FSIP1: variants seen among roughly 807,000 people sequenced by gnomAD.
The protein encoded by FSIP1 is fibrous sheath-interacting protein 1.
Under a neutral mutation model 60.9 loss-of-function variants are expected in FSIP1, and 65 were observed. That is an observed-to-expected ratio of 1.07 (90% CI 0.87 to 1.31). FSIP1 has a LOEUF of 1.31. FSIP1 is among the 40% of genes most tolerant of loss of function. The pLI is 0.00. For missense variants in FSIP1, 675 were observed against 665.5 expected (o/e 1.01, Z -0.16); for synonymous variants, 209 against 221.2 (o/e 0.94, Z 0.49).
chr15:39,726,714 C>G lies in FSIP1; in HGVS notation c.925G>C (p.Gly309Arg). 1.9e-6 allele frequency: 3 copies of G among 1,614,010 alleles called. No homozygotes were observed. Among genetic ancestry groups the G allele is most frequent in the South Asian group, 1.1e-5 (1 of 91,064 alleles). Residue 309 changes from glycine to arginine, a missense_variant, in exon 9 of 12, where the codon GGA becomes CGA. Physicochemically the swap from Gly to Arg is moderately radical, Grantham distance 125. Transcript: ENST00000350221. ...TGCTGGGTGACTGCAAGTTCATATC[C>G]TTTTACTGGGACCACCCAGCCAGAC... ...DQSGWVVPVK[G>R]YELAVTQHQQ...
chr15:39,696,754 A>G (rs948540190), intron 10 of FSIP1, among the ~76,000 whole-genome samples: 1 of 152,176 alleles, frequency 6.6e-6, no homozygotes, highest in Admixed American at 6.5e-5. Context: ...AAAGCAGGCT[A>G]TAAAATGTAT....
chr15:39,642,661 GA>G (rs1160870536), intron 10 of FSIP1, among the ~76,000 whole-genome samples: 1 of 152,146 alleles, frequency 6.6e-6, no homozygotes, highest in Non-Finnish European at 1.5e-5. Context: ...GTAAAAGTAC[GA>G]AAACCTGAAA....
chr15:39,619,399 TG>T (rs1315787182), intron 10 of FSIP1, among the ~76,000 whole-genome samples: 1 of 152,180 alleles, frequency 6.6e-6, no homozygotes, highest in Non-Finnish European at 1.5e-5. Flanking sequence ...AGAAATTGTC[TG>T]GAAATATATT....
At chr15:39,691,606 A>T (rs1894602913) in intron 10 of FSIP1, among the ~76,000 whole-genome samples, 1 of 152,208 alleles carries the variant, frequency 6.6e-6, no homozygotes, top group Admixed American at 6.5e-5. Context: ...TCCTTTCCAA[A>T]GAGTCTCATC....
intron 10 of FSIP1, among the ~76,000 whole-genome samples, chr15:39,697,419 C>T (rs1894865154): frequency 1.3e-5 from 2 of 152,280 alleles, no homozygotes; most frequent in East Asian, 1.9e-4. Flanking sequence ...GAGTTAAATA[C>T]CCTTCCAGAA....
rs114020568 is a variant in FSIP1, at chr15:39,725,261, C to T, written c.1050+1328G>A. Among the ~76,000 whole-genome samples, 824 of 152,248 alleles carry T rather than the reference C, an allele frequency of 5.4e-3. 13 individuals carry two copies. The highest frequency in any genetic ancestry group is 0.019 in the African/African-American group (795 of 41,562). Reference sequence around the variant, plus strand: ...AAATAAAATACAAAGTCCTGGGACACATTTGAGTGAAGACAAAGATTCCAA... The same window carrying T: ...AAATAAAATACAAAGTCCTGGGACATATTTGAGTGAAGACAAAGATTCCAA... On this transcript the variant is annotated intron_variant, in intron 9 of 11. Coordinates refer to ENST00000350221, the MANE Select transcript of FSIP1 (RefSeq NM_152597.5).
intron 11 of FSIP1, among the ~76,000 whole-genome samples, chr15:39,607,775 C>G (rs1257806990): frequency 5.3e-5 from 8 of 152,192 alleles, no homozygotes; most frequent in Non-Finnish European, 1.0e-4. Context: ...AACTACGTAT[C>G]AGTAATACTT....
intron 5 of FSIP1, among the ~76,000 whole-genome samples, chr15:39,762,656 G>A (rs966588447): frequency 2.0e-5 from 3 of 152,126 alleles, no homozygotes; most frequent in African/African-American, 7.2e-5. Context: ...TTACATAATG[G>A]CTGGCTTTCC....
intron 11 of FSIP1, among the ~76,000 whole-genome samples, chr15:39,601,897 A>AG (rs1890653929): frequency 6.6e-6 from 1 of 151,968 alleles, no homozygotes; most frequent in African/African-American, 2.4e-5. Flanking sequence ...GTTGGGGAAA[A>AG]TGGGAAGTGA....
intron 10 of FSIP1, among the ~76,000 whole-genome samples, chr15:39,634,245 G>A (rs1382595742): frequency 6.6e-6 from 1 of 152,090 alleles, no homozygotes; most frequent in Non-Finnish European, 1.5e-5. Flanking sequence ...TTTTGATCCC[G>A]TTCCTCTCTC....
intron 5 of FSIP1, among the ~76,000 whole-genome samples, chr15:39,762,970 T>C (rs1897555211): frequency 6.6e-6 from 1 of 152,210 alleles, no homozygotes; most frequent in South Asian, 2.1e-4. Context: ...CATATACATA[T>C]ATAATTTGAT....
intron 10 of FSIP1, among the ~76,000 whole-genome samples, chr15:39,629,284 C>T (rs191131334): frequency 9.8e-5 from 15 of 152,310 alleles, no homozygotes; most frequent in Admixed American, 7.8e-4. Flanking sequence ...GATTCTCTAT[C>T]ATCTATCATC....
At chr15:39,766,164 C>T (rs1302317946) in intron 3 of FSIP1, among the ~76,000 whole-genome samples, 1 of 152,114 alleles carries the variant, frequency 6.6e-6, no homozygotes, top group Non-Finnish European at 1.5e-5. Flanking sequence ...AAAGAGAAGG[C>T]GTGTACACAA....
chr15:39,699,242 G>A (rs16969621), intron 10 of FSIP1, among the ~76,000 whole-genome samples: 10,279 of 152,158 alleles, frequency 0.068, 780 homozygotes, highest in Admixed American at 0.2. Flanking sequence ...AAGGAAGAAC[G>A]GTAAATGGAT....
chr15:39,702,984 T>A (rs962306549), intron 10 of FSIP1, among the ~76,000 whole-genome samples: 93 of 6,436 alleles, frequency 0.014, no homozygotes, highest in Admixed American at 0.034. Flanking sequence ...ATAATTGTCT[T>A]TTTTTTTTTT....
At chr15:39,679,645 T>C (rs1235159276) in intron 10 of FSIP1, among the ~76,000 whole-genome samples, 1 of 152,160 alleles carries the variant, frequency 6.6e-6, no homozygotes, top group Non-Finnish European at 1.5e-5. Context: ...CATGTAAAGA[T>C]AACCTGATCA....
intron 10 of FSIP1, among the ~76,000 whole-genome samples, chr15:39,642,671 A>C (rs953876968): frequency 6.6e-6 from 1 of 152,216 alleles, no homozygotes; most frequent in Admixed American, 6.5e-5. Flanking sequence ...GAAAACCTGA[A>C]ACCTTTTTTC....
intron 10 of FSIP1, among the ~76,000 whole-genome samples, chr15:39,635,831 A>G (rs141683783): frequency 0.012 from 1,817 of 152,152 alleles, 125 homozygotes; most frequent in Admixed American, 0.11. Flanking sequence ...CTTAAGCTCT[A>G]TTACCCCAGG....
In FSIP1 at chr15:39,687,136, C is replaced by CTTTTTTTTT. The variant is rs1491090328; in HGVS notation, c.1188+26307_1188+26308insAAAAAAAAA. 6.0e-3 allele frequency among the ~76,000 whole-genome samples: 284 copies of CTTTTTTTTT among 47,712 alleles called. 88 individuals carry two copies. Among genetic ancestry groups the CTTTTTTTTT allele is most frequent in the Middle Eastern group, 0.045 (2 of 44 alleles). The allele number at this position is 47,712 out of a possible 152,430, so 31.3% of individuals were successfully genotyped here. ...CACCTTTCTTTCTTTCTTTTCTTTT[C>CTTTTTTTTT]CTTTTTTTTTTTTTTTTTTTTTTTT... On this transcript the variant is annotated intron_variant, in intron 10 of 11. Coordinates refer to ENST00000350221, the MANE Select transcript of FSIP1 (RefSeq NM_152597.5).
Sources: allele counts gnomAD v4.1 joint callset (sites outside exome capture counted in the v4.1 genomes callset), GRCh38; gene constraint gnomAD v4.1.1; transcripts MANE v1.5; gene names NCBI Gene and HGNC (gene_info 2026-07-23, HGNC 2026-07-21).